Variants in ZNF385D observed in about 807,000 individuals in gnomAD.
ZNF385D encodes the protein zinc finger protein 385D, also known as zinc finger protein 659.
Under a neutral mutation model 35.8 loss-of-function variants are expected in ZNF385D, and 15 were observed. That is an observed-to-expected ratio of 0.42 (90% CI 0.28 to 0.64). The LOEUF (loss-of-function observed/expected upper bound fraction) is 0.64. Among genes scored for constraint, ZNF385D ranks in the 30% least tolerant of loss-of-function variants. ZNF385D has a pLI of 0.23. For synonymous variants in ZNF385D, 212 were observed against 186.8 expected, an observed-to-expected ratio of 1.13 and a Z score of -1.10; for missense variants, 474 against 494.6, an observed-to-expected ratio of 0.96 and a Z score of 0.39.
intron 3 of ZNF385D, among the ~76,000 whole-genome samples, chr3:21,963,893 G>A (rs1009645829): frequency 1.3e-5 from 2 of 152,028 alleles, no homozygotes; most frequent in Admixed American, 1.3e-4. Context: ...AGAAATACAA[G>A]AACTAACTCA....
intron 2 of ZNF385D, among the ~76,000 whole-genome samples, chr3:22,244,411 A>T (rs905705515): frequency 1.3e-5 from 2 of 149,924 alleles, no homozygotes; most frequent in African/African-American, 4.9e-5. Context: ...TAAAACGCAG[A>T]AAAGTAAAAT....
chr3:21,495,606 T>C (rs1195590552), intron 4 of ZNF385D, among the ~76,000 whole-genome samples: 3 of 151,588 alleles, frequency 2.0e-5, no homozygotes, highest in African/African-American at 7.3e-5. Flanking sequence ...AAAGAAGATA[T>C]CAAATTAACA....
At chr3:21,525,281 G>C (rs1247163405) in intron 3 of ZNF385D, among the ~76,000 whole-genome samples, 1 of 151,824 alleles carries the variant, frequency 6.6e-6, no homozygotes, top group African/African-American at 2.4e-5. Context: ...GGTATATTCA[G>C]TGATTTGAGG....
intron 4 of ZNF385D, among the ~76,000 whole-genome samples, chr3:21,461,108 A>G (rs1016433170): frequency 6.6e-6 from 1 of 152,304 alleles, no homozygotes. Context: ...TATATTTCCC[A>G]TCACATATGA....
chr3:22,368,230 T>C (rs575407472), intron 2 of ZNF385D, among the ~76,000 whole-genome samples: 6 of 152,304 alleles, frequency 3.9e-5, no homozygotes, highest in Admixed American at 1.3e-4. Context: ...TCTAAAACTG[T>C]GTTCTAGTAT....
chr3:21,466,279 C>A (rs771460986), intron 4 of ZNF385D, among the ~76,000 whole-genome samples: 1 of 152,120 alleles, frequency 6.6e-6, no homozygotes, highest in Admixed American at 6.5e-5. Context: ...GCTTAATGTT[C>A]TAGACTCATC....
intron 1 of ZNF385D, among the ~76,000 whole-genome samples, chr3:21,704,572 G>T (rs1016876855): frequency 2.7e-5 from 4 of 149,798 alleles, no homozygotes; most frequent in Admixed American, 6.6e-5. Flanking sequence ...GCAGTGGTGT[G>T]ATCTCGGCTC....
intron 3 of ZNF385D, among the ~76,000 whole-genome samples, chr3:21,848,314 G>C (rs966021115): frequency 1.3e-5 from 2 of 151,918 alleles, no homozygotes; most frequent in East Asian, 3.9e-4. Context: ...ACATGGGAGT[G>C]GTCATATCTC....
chr3:21,578,897 AT>A (rs993529174), intron 2 of ZNF385D, among the ~76,000 whole-genome samples: 1 of 152,052 alleles, frequency 6.6e-6, no homozygotes, highest in African/African-American at 2.4e-5. Flanking sequence ...TAAGGATTGC[AT>A]TTTTTTAGAA....
chr3:21,464,010 C>T (rs1285464485), intron 4 of ZNF385D, among the ~76,000 whole-genome samples: 1 of 152,070 alleles, frequency 6.6e-6, no homozygotes, highest in Non-Finnish European at 1.5e-5. Flanking sequence ...TAATGAAGTT[C>T]ACTCAGCTGA....
intron 3 of ZNF385D, among the ~76,000 whole-genome samples, chr3:21,919,152 G>A (rs139531662): frequency 6.6e-6 from 1 of 152,152 alleles, no homozygotes; most frequent in Non-Finnish European, 1.5e-5. Flanking sequence ...ACAGAATGTT[G>A]AAGGACAATG....
intron 3 of ZNF385D, among the ~76,000 whole-genome samples, chr3:21,856,995 C>G (rs1481342351): frequency 6.6e-6 from 1 of 152,046 alleles, no homozygotes; most frequent in Admixed American, 6.6e-5. Flanking sequence ...TAACCATGTT[C>G]CACCTAAGAA....
chr3:21,729,812 T>C (rs2068915726), intron 1 of ZNF385D, among the ~76,000 whole-genome samples: 1 of 152,174 alleles, frequency 6.6e-6, no homozygotes, highest in African/African-American at 2.4e-5. Context: ...GCTCCTTGTA[T>C]CTAGAAAGGG....
At chr3:21,892,451 C>T (rs559230757) in intron 3 of ZNF385D, among the ~76,000 whole-genome samples, 100 of 152,262 alleles carry the variant, frequency 6.6e-4, no homozygotes, top group African/African-American at 2.1e-3. Flanking sequence ...CTCAATTTTG[C>T]TCCTCCAAAT....
At chr3:21,673,836 T>C (rs2066646221) in intron 1 of ZNF385D, among the ~76,000 whole-genome samples, 1 of 152,048 alleles carries the variant, frequency 6.6e-6, no homozygotes, top group Non-Finnish European at 1.5e-5. Context: ...GGAAGTACAA[T>C]CACAAAGTTT....
chr3:21,532,107 G>A (rs1312943779), intron 3 of ZNF385D, among the ~76,000 whole-genome samples: 1 of 152,074 alleles, frequency 6.6e-6, no homozygotes, highest in Non-Finnish European at 1.5e-5. Context: ...ACCAGTCATG[G>A]GAGATAATGC....
intron 4 of ZNF385D, among the ~76,000 whole-genome samples, chr3:21,471,805 T>A (rs1703914974): frequency 6.6e-6 from 1 of 152,182 alleles, no homozygotes; most frequent in Admixed American, 6.6e-5. Flanking sequence ...TCTGAATATC[T>A]TTGAGCATTA....
chr3:21,966,807 C>G (rs1463394582), intron 3 of ZNF385D, among the ~76,000 whole-genome samples: 1 of 152,200 alleles, frequency 6.6e-6, no homozygotes, highest in South Asian at 2.1e-4. Flanking sequence ...GTCTCAAACT[C>G]CTGGCCTCAA....
intron 4 of ZNF385D, among the ~76,000 whole-genome samples, chr3:21,467,870 G>A (rs1324546306): frequency 6.6e-6 from 1 of 152,088 alleles, no homozygotes; most frequent in African/African-American, 2.4e-5. Context: ...TGGAATGAGG[G>A]TATTGACCAC....
Sources: allele counts gnomAD v4.1 joint callset (sites outside exome capture counted in the v4.1 genomes callset), GRCh38; gene constraint gnomAD v4.1.1; transcripts MANE v1.5; gene names NCBI Gene and HGNC (gene_info 2026-07-23, HGNC 2026-07-21).